TSPAN18: variants seen among roughly 807,000 people sequenced by gnomAD.
TSPAN18 encodes the protein tetraspanin-18.
In TSPAN18, 14 loss-of-function variants were observed where a neutral mutation model predicts 27.3. The ratio of observed to expected loss-of-function variants is 0.51; its 90% CI spans 0.34 to 0.80. The LOEUF is 0.80. Among genes scored for constraint, TSPAN18 ranks in the 30% least tolerant of loss-of-function variants. The pLI, the probability that TSPAN18 is intolerant of heterozygous loss-of-function variation, is 0.01. For synonymous variants in TSPAN18, 143 were observed against 136.5 expected (o/e 1.05, Z -0.33); for missense variants, 268 against 323.9 (o/e 0.83, Z 1.32).
intron 5 of TSPAN18, among the ~76,000 whole-genome samples, chr11:44,913,678 C>A (rs1036526174): frequency 3.3e-5 from 5 of 152,178 alleles, no homozygotes; most frequent in Non-Finnish European, 5.9e-5. Flanking sequence ...GCAGACATTG[C>A]CTATAAGCAG....
At chr11:44,744,191 G>A (rs749070809) in intron 1 of TSPAN18, among the ~76,000 whole-genome samples, 1 of 152,154 alleles carries the variant, frequency 6.6e-6, no homozygotes, top group African/African-American at 2.4e-5. Flanking sequence ...CTGGGTTTGC[G>A]TGTATTATCG....
At chr11:44,790,169 G>GTGTGTGTGTGCGCATA (rs1243125586) in intron 2 of TSPAN18, among the ~76,000 whole-genome samples, 135 of 148,994 alleles carry the variant, frequency 9.1e-4, no homozygotes, top group African/African-American at 3.2e-3. Flanking sequence ...GTGTGTGCAT[G>GTGTGTGTGTGCGCATA]TGTGTGTGTG....
chr11:44,855,876 T>C (rs1857724542), intron 2 of TSPAN18, among the ~76,000 whole-genome samples: 2 of 151,512 alleles, frequency 1.3e-5, no homozygotes, highest in Non-Finnish European at 2.9e-5. Flanking sequence ...CTTTTATTTA[T>C]TTATTTTAAT....
intron 8 of TSPAN18, among the ~76,000 whole-genome samples, chr11:44,924,608 A>G (rs1860277199): frequency 6.6e-6 from 1 of 152,188 alleles, no homozygotes; most frequent in Non-Finnish European, 1.5e-5. Context: ...TGAGGGGATG[A>G]TGGGAGGGCC....
chr11:44,895,980 C>G (rs1185582144), intron 3 of TSPAN18, among the ~76,000 whole-genome samples: 1 of 152,166 alleles, frequency 6.6e-6, no homozygotes, highest in African/African-American at 2.4e-5. Flanking sequence ...CTGGCATCTC[C>G]AAGCCTCAAT....
intron 2 of TSPAN18, among the ~76,000 whole-genome samples, chr11:44,809,035 A>C (rs765116064): frequency 6.6e-6 from 1 of 152,068 alleles, no homozygotes; most frequent in Non-Finnish European, 1.5e-5. Context: ...AACACTTCTC[A>C]TGTCCTAAAT....
intron 4 of TSPAN18, among the ~76,000 whole-genome samples, chr11:44,906,751 G>T (rs895032251): frequency 6.6e-6 from 1 of 152,216 alleles, no homozygotes; most frequent in African/African-American, 2.4e-5. Context: ...TCCGGCCACT[G>T]TCTTGGGATC....
At chr11:44,856,871 G>C (rs1857753232) in intron 2 of TSPAN18, among the ~76,000 whole-genome samples, 2 of 149,150 alleles carry the variant, frequency 1.3e-5, no homozygotes, top group Admixed American at 1.3e-4. Context: ...TGTCTTCCTA[G>C]AATTGTCACA....
At chr11:44,783,453 C>T (rs979388410) in intron 2 of TSPAN18, among the ~76,000 whole-genome samples, 4 of 151,344 alleles carry the variant, frequency 2.6e-5, no homozygotes, top group African/African-American at 9.7e-5. Context: ...GGCTGGAGTG[C>T]AGTGGTGTGA....
chr11:44,902,188 C>G (rs1859286743), intron 3 of TSPAN18, among the ~76,000 whole-genome samples: 1 of 152,190 alleles, frequency 6.6e-6, no homozygotes, highest in South Asian at 2.1e-4. Flanking sequence ...TAAGAGCTGT[C>G]CATCCTGCTC....
chr11:44,855,122 A>G (rs1237809083), intron 2 of TSPAN18, among the ~76,000 whole-genome samples: 2 of 151,886 alleles, frequency 1.3e-5, no homozygotes, highest in Non-Finnish European at 1.5e-5. Flanking sequence ...ATGGACTGCC[A>G]TTAGATAATA....
intron 2 of TSPAN18, among the ~76,000 whole-genome samples, chr11:44,814,662 C>A (rs1856784431): frequency 6.6e-6 from 1 of 150,938 alleles, no homozygotes; most frequent in South Asian, 2.1e-4. Context: ...ATCCATCCAT[C>A]CATCCATCCA....
intron 2 of TSPAN18, among the ~76,000 whole-genome samples, chr11:44,854,199 G>T (rs1278885696): frequency 2.9e-5 from 3 of 103,850 alleles, no homozygotes; most frequent in African/African-American, 7.6e-5. Context: ...GGGGCAGGGG[G>T]TGGGGGGGGG....
chr11:44,786,867 A>G (rs1021677584), intron 2 of TSPAN18, among the ~76,000 whole-genome samples: 4 of 151,958 alleles, frequency 2.6e-5, no homozygotes, highest in African/African-American at 4.8e-5. Flanking sequence ...CCTGACCTCA[A>G]GTGATCTGCC....
intron 8 of TSPAN18, among the ~76,000 whole-genome samples, chr11:44,923,885 G>A (rs1860241136): frequency 1.3e-5 from 2 of 152,194 alleles, no homozygotes; most frequent in African/African-American, 4.8e-5. Context: ...AACCTGGGCT[G>A]CTTGGTTGAG....
chr11:44,834,578 A>G (rs835779), intron 2 of TSPAN18, among the ~76,000 whole-genome samples: 132,153 of 152,152 alleles, frequency 0.87, 57,471 homozygotes, highest in East Asian at 0.94. Context: ...CCATTTTCTC[A>G]CTTCTCTAGG....
chr11:44,901,206 C>T (rs528227128), intron 3 of TSPAN18: 1 of 152,200 alleles, frequency 6.6e-6, no homozygotes, highest in Non-Finnish European at 1.5e-5. Flanking sequence ...CATCTATTTT[C>T]CTACCTGACT....
At chr11:44,766,770 G>A (rs1445952812) in intron 2 of TSPAN18, among the ~76,000 whole-genome samples, 1 of 152,250 alleles carries the variant, frequency 6.6e-6, no homozygotes, top group Non-Finnish European at 1.5e-5. Flanking sequence ...AGAGAGGCAT[G>A]TGCTGTCATG....
At chr11:44,737,323 T>C (rs941518768) in intron 1 of TSPAN18, among the ~76,000 whole-genome samples, 2 of 152,102 alleles carry the variant, frequency 1.3e-5, no homozygotes, top group African/African-American at 4.8e-5. Context: ...TCTGGGAAGA[T>C]TGTGGTCACC....
Sources: gnomAD v4.1 joint callset for allele counts (sites outside exome capture counted in the v4.1 genomes callset) on GRCh38, gnomAD v4.1.1 for gene constraint, MANE v1.5 for transcripts, NCBI Gene and HGNC (gene_info 2026-07-23, HGNC 2026-07-21) for gene names.